TMEM132D: variants seen among roughly 807,000 people sequenced by gnomAD.
TMEM132D encodes transmembrane protein 132D.
TMEM132D carries 21 observed loss-of-function variants against 62.3 expected under a neutral mutation model. The ratio of observed to expected loss-of-function variants is 0.34; its 90% CI spans 0.24 to 0.49. The LOEUF is 0.49. TMEM132D is among the 20% of genes least tolerant of loss of function. The pLI, the probability that TMEM132D is intolerant of heterozygous loss-of-function variation, is 0.99. For synonymous variants in TMEM132D, 621 were observed against 575.6 expected, an observed-to-expected ratio of 1.08 and a Z score of -1.13; for missense variants, 1,346 against 1,402.8, an observed-to-expected ratio of 0.96 and a Z score of 0.65.
chr12:129,677,149 T>C (rs1490044829), intron 2 of TMEM132D, among the ~76,000 whole-genome samples: 1 of 152,228 alleles, frequency 6.6e-6, no homozygotes, highest in Non-Finnish European at 1.5e-5. Context: ...AATCTCATCT[T>C]GAATTGTAAC....
chr12:129,550,466 G>A (rs901318370), intron 2 of TMEM132D, among the ~76,000 whole-genome samples: 1 of 152,142 alleles, frequency 6.6e-6, no homozygotes, highest in African/African-American at 2.4e-5. Flanking sequence ...ATGCTTGGCA[G>A]CCCACTCCTG....
Position 129,121,590 on chromosome 12 carries a change from C to T in TMEM132D, c.1444-36888G>A, listed in dbSNP as rs529228954. Among the ~76,000 whole-genome samples the T allele has an allele frequency of 3.3e-5, 5 of 152,258 alleles. No individual in the cohort carries two copies. The East Asian group carries it at 5.8e-4, about 18-fold the overall frequency. On this transcript the variant is annotated intron_variant, in intron 5 of 8. Transcript: ENST00000422113. ...GATTTGAAGATGGAGAATGGGGCCC[C>T]CGAGCCCAGGAATGCAGAGGGACTC...
chr12:129,227,593 T>A (rs1879514743), intron 4 of TMEM132D, among the ~76,000 whole-genome samples: 2 of 144,974 alleles, frequency 1.4e-5, no homozygotes, highest in African/African-American at 2.6e-5. Flanking sequence ...ATTTATTTTT[T>A]AATATATATA....
At chr12:129,465,566 T>G (rs1428837178) in intron 3 of TMEM132D, among the ~76,000 whole-genome samples, 1 of 152,172 alleles carries the variant, frequency 6.6e-6, no homozygotes, top group Non-Finnish European at 1.5e-5. Flanking sequence ...CAGTCCAAAA[T>G]CTCCTTAAGC....
chr12:129,645,579 G>A (rs937036633), intron 2 of TMEM132D, among the ~76,000 whole-genome samples: 53 of 152,162 alleles, frequency 3.5e-4, no homozygotes, highest in African/African-American at 1.2e-3. Flanking sequence ...ATCAATCAAT[G>A]TATTTTTAAC....
chr12:129,325,220 C>T (rs572728565), intron 4 of TMEM132D, among the ~76,000 whole-genome samples: 1 of 152,178 alleles, frequency 6.6e-6, no homozygotes. Flanking sequence ...AGCATGAACA[C>T]AACTACCCCT....
At chr12:129,705,134 G>A (rs1416541589) in intron 1 of TMEM132D, among the ~76,000 whole-genome samples, 2 of 152,200 alleles carry the variant, frequency 1.3e-5, no homozygotes, top group Non-Finnish European at 2.9e-5. Flanking sequence ...GTAAGAGGCT[G>A]TAACCATGTG....
intron 1 of TMEM132D, among the ~76,000 whole-genome samples, chr12:129,825,989 G>C (rs778808464): frequency 6.6e-6 from 1 of 152,158 alleles, no homozygotes; most frequent in African/African-American, 2.4e-5. Flanking sequence ...ATGAGCTCAG[G>C]GGGCAGAGGC....
intron 1 of TMEM132D, among the ~76,000 whole-genome samples, chr12:129,863,098 C>T (rs1178885787): frequency 6.6e-6 from 1 of 152,036 alleles, no homozygotes; most frequent in African/African-American, 2.4e-5. Context: ...GGGAACAGGC[C>T]GGTTATCAGA....
chr12:129,762,229 A>C (rs1490918212), intron 1 of TMEM132D, among the ~76,000 whole-genome samples: 1 of 152,052 alleles, frequency 6.6e-6, no homozygotes, highest in East Asian at 1.9e-4. Flanking sequence ...TTGCAAACAC[A>C]ACATCCTAGC....
At chr12:129,537,161 A>AAAAAAAAAG (rs1876417469) in intron 2 of TMEM132D, among the ~76,000 whole-genome samples, 1 of 151,744 alleles carries the variant, frequency 6.6e-6, no homozygotes, top group African/African-American at 2.4e-5. Flanking sequence ...CTCTGTCTAA[A>AAAAAAAAAG]AAAAAAAAAA....
At chr12:129,238,742 G>A (rs900283611) in intron 4 of TMEM132D, among the ~76,000 whole-genome samples, 1 of 152,152 alleles carries the variant, frequency 6.6e-6, no homozygotes, top group Non-Finnish European at 1.5e-5. Flanking sequence ...TGGACATTTG[G>A]GTTGATTCTA....
intron 1 of TMEM132D, among the ~76,000 whole-genome samples, chr12:129,882,408 T>TA (rs1874624757): frequency 6.6e-6 from 1 of 152,074 alleles, no homozygotes; most frequent in Non-Finnish European, 1.5e-5. Context: ...TATAAAATAA[T>TA]TATATGCCAT....
At chr12:129,704,831 G>A (rs898602521) in intron 1 of TMEM132D, among the ~76,000 whole-genome samples, 1 of 152,138 alleles carries the variant, frequency 6.6e-6, no homozygotes, top group Admixed American at 6.5e-5. Flanking sequence ...AAGAAGTAGA[G>A]GAATAACATA....
rs190653121 is a variant in TMEM132D at position 129,600,539 on chromosome 12, G to C, written c.969-69334C>G. ...CAACTTACTTTGCCCAAATCCATCA[G>C]AGGAATCACTATCTCTGGCAGCCAT... On this transcript the variant is annotated intron_variant, in intron 2 of 8. Transcript: ENST00000422113. 2.6e-4 allele frequency among the ~76,000 whole-genome samples: 39 copies of C among 152,310 alleles called. No homozygotes were observed. In the East Asian group the frequency reaches 6.9e-3, roughly 27 times the overall value.
chr12:129,845,529 C>G (rs924790209), intron 1 of TMEM132D, among the ~76,000 whole-genome samples: 2 of 152,226 alleles, frequency 1.3e-5, no homozygotes, highest in Non-Finnish European at 2.9e-5. Context: ...TCTAGAGATA[C>G]TGACTGTGTT....
At chr12:129,748,351 A>C (rs953558963) in intron 1 of TMEM132D, among the ~76,000 whole-genome samples, 3 of 152,178 alleles carry the variant, frequency 2.0e-5, no homozygotes, top group African/African-American at 4.8e-5. Flanking sequence ...ATTTGGACGG[A>C]GAATGAGACT....
At chr12:129,136,899 T>TCACCATCATCATCACCATACCAC (rs2135528211) in intron 5 of TMEM132D, among the ~76,000 whole-genome samples, 1 of 148,658 alleles carries the variant, frequency 6.7e-6, no homozygotes, top group South Asian at 2.2e-4. Context: ...ACCACCATCA[T>TCACCATCATCATCACCATACCAC]CACCATCATC....
At chr12:129,116,922 A>AG (rs1875911686) in intron 5 of TMEM132D, among the ~76,000 whole-genome samples, 1 of 71,300 alleles carries the variant, frequency 1.4e-5, no homozygotes, top group African/African-American at 4.3e-5. Flanking sequence ...TTTCCGCAAA[A>AG]AAAAAAAAAA....
Sources: allele counts gnomAD v4.1 joint callset (sites outside exome capture counted in the v4.1 genomes callset), GRCh38; gene constraint gnomAD v4.1.1; transcripts MANE v1.5; gene names NCBI Gene and HGNC (gene_info 2026-07-23, HGNC 2026-07-21).